Variants in TNNT3 observed in about 807,000 individuals in gnomAD.
TNNT3 encodes troponin T3, fast skeletal type.
TNNT3 carries 36 observed loss-of-function variants against 54.2 expected under a neutral mutation model. The ratio of observed to expected loss-of-function variants is 0.66; its 90% CI spans 0.51 to 0.88. The LOEUF (loss-of-function observed/expected upper bound fraction) is 0.88, where lower values mean the gene tolerates loss of function less well. Among genes scored for constraint, TNNT3 ranks in the 40% least tolerant of loss-of-function variants. The pLI is 0.00. For synonymous variants in TNNT3, 120 were observed against 109.7 expected (o/e 1.09, Z -0.59); for missense variants, 291 against 331.6 (o/e 0.88, Z 0.95).
At chr11:1,929,730 C>A in intron 7 of TNNT3, 80 bp from the exon 8 acceptor site, 1 of 1,489,924 alleles carries the variant, frequency 6.7e-7, no homozygotes, top group Non-Finnish European at 9.2e-7. Flanking sequence ...GGCCGCAGGC[C>A]GCCCAGTCTC....
rs897113676 is a variant in TNNT3 at position 1,920,527 on chromosome 11, C to T, written c.-19+765C>T. Among the ~76,000 whole-genome samples the T allele has an allele frequency of 2.3e-5, 3 of 129,098 alleles. No homozygotes were observed. In the South Asian group the frequency reaches 7.9e-4, roughly 34 times the overall value. 84.7% of individuals were successfully genotyped at this position (129,098 alleles called of 152,430 possible). On this transcript the variant is annotated intron_variant, in intron 1 of 15. Coordinates refer to ENST00000278317, the MANE Select transcript of TNNT3 (RefSeq NM_006757.4). ...CCCTGACTTGTGCCGTCTGATCAGGCCTTGGCTGCCCCTCCTGAAGTCCAC... is the reference window on the plus strand; with the variant it reads ...CCCTGACTTGTGCCGTCTGATCAGGTCTTGGCTGCCCCTCCTGAAGTCCAC...
chr11:1,933,878 T>C (rs1248774122), intron 10 of TNNT3, 41 bp downstream of exon 10: 2 of 1,611,790 alleles, frequency 1.2e-6, no homozygotes, highest in Admixed American at 1.7e-5. Flanking sequence ...GCTGGTGGAC[T>C]CCCTCGGAGG....
At chr11:1,933,495 G>A (rs573906863) in intron 9 of TNNT3, among the ~76,000 whole-genome samples, 1 of 152,330 alleles carries the variant, frequency 6.6e-6, no homozygotes, top group African/African-American at 2.4e-5. Flanking sequence ...CACCATCCCT[G>A]CTGTGTGGCT....
intron 4 of TNNT3, 89 bp from the exon 5 acceptor site, chr11:1,925,010 T>C: frequency 6.6e-7 from 1 of 1,508,430 alleles, no homozygotes; most frequent in East Asian, 2.3e-5. Context: ...CCTCCTGTCC[T>C]TGCGGCCTGA....
At chr11:1,931,888 T>A (rs1183130509) in intron 8 of TNNT3, among the ~76,000 whole-genome samples, 2 of 152,016 alleles carry the variant, frequency 1.3e-5, no homozygotes, top group African/African-American at 2.4e-5. Context: ...TTGGAAAAAA[T>A]TGTTGTTGTT....
rs1208387518 is a variant in TNNT3 at position 1,933,941 on chromosome 11, G to A, written c.299G>A (p.Arg100His). 7 of 1,612,674 alleles carry A rather than the reference G, an allele frequency of 4.3e-6. No homozygotes were observed. The East Asian group carries it at 6.7e-5, about 15-fold the overall frequency. Residue 100 changes from arginine (R) to histidine (H), a missense_variant, in exon 11 of 16, where the codon CGT (arginine) becomes CAT (histidine). Arg to His is a conservative substitution (Grantham distance 29). Coordinates refer to ENST00000278317, the MANE Select transcript of TNNT3 (RefSeq NM_006757.4). ...VALKERIEKRRAERAEQQRIR... is the reference protein window; with the variant it reads ...VALKERIEKRHAERAEQQRIR... ...CTTCTCTGGCTGCAGGAGAAGCGCC[G>A]TGCAGAGAGAGCGGAGCAGCAGAGG...
In TNNT3 at chr11:1,934,007, C is replaced by A. The variant is rs774521719; in HGVS notation, c.365C>A (p.Ala122Glu). The change falls in exon 11 of 16, where the codon GCG becomes GAG. Residue 122 changes from alanine to glutamate, a missense_variant and splice_region_variant. Physicochemically the swap from Ala to Glu is moderately radical, Grantham distance 107. Transcript: ENST00000278317. ...EKERERQNRL[A>E]EEKARREEED... is the part of the protein sequence containing the mutation. ...GAGAGGGAGCGCCAGAACAGACTGG[C>A]GGTGAGGGCACCATCCGCACTGCTG... 5 of 1,611,592 alleles carry A rather than the reference C, an allele frequency of 3.1e-6. No individual in the cohort carries two copies. In the Admixed American group the frequency reaches 8.3e-5, roughly 27 times the overall value.
chr11:1,936,897 C>T, intron 14 of TNNT3, 66 bp from the exon 15 acceptor site: 2 of 1,520,370 alleles, frequency 1.3e-6, no homozygotes, highest in Non-Finnish European at 1.8e-6. Flanking sequence ...TGGAGACAGG[C>T]CTTCACCCAG....
rs777838985 is a variant in TNNT3 at position 1,932,561 on chromosome 11, C to T, written c.171+47C>T. On this transcript the variant is annotated intron_variant, in intron 9 of 15. Transcript: ENST00000278317. ...TAACATGTCCACGGTTTCCCCACAC[C>T]CCAGCTTTTGGGCTCTAGGCCTCAG... is the stretch of plus-strand genomic sequence containing the variant. 8.1e-6 allele frequency: 13 copies of T among 1,601,690 alleles called. No homozygotes were observed. In the Admixed American group the frequency reaches 1.7e-4, roughly 21 times the overall value.
chr11:1,927,871 C>T (rs557320953), intron 6 of TNNT3: 174 of 152,522 alleles, frequency 1.1e-3, no homozygotes, highest in Non-Finnish European at 2.1e-3. Context: ...GTCCTCACCG[C>T]GCTGTTCCTT....
intron 15 of TNNT3, 99 bp downstream of exon 15, chr11:1,937,102 C>G (rs775756639): frequency 1.3e-5 from 17 of 1,329,804 alleles, no homozygotes; most frequent in Non-Finnish European, 1.8e-5. Context: ...TGGCTGGCCT[C>G]GGCAGGGCAG....
chr11:1,928,772 GT>G (rs1469074383), intron 6 of TNNT3, among the ~76,000 whole-genome samples: 1 of 152,174 alleles, frequency 6.6e-6, no homozygotes, highest in Non-Finnish European at 1.5e-5. Flanking sequence ...AGATGCCAAG[GT>G]TGGCCCTGCC....
chr11:1,935,271 T>C (rs1854643884), intron 14 of TNNT3: 1 of 374,022 alleles, frequency 2.7e-6, no homozygotes, highest in Non-Finnish European at 5.2e-6. Context: ...AAAGTCCCCA[T>C]CATCACCCAG....
At chr11:1,923,159 C>A in intron 3 of TNNT3, 98 bp downstream of exon 3, 1 of 1,523,060 alleles carries the variant, frequency 6.6e-7, no homozygotes, top group Non-Finnish European at 9.1e-7. Context: ...GTCCCCTTGA[C>A]AGCCCTACAT....
rs1347042944 is a variant in TNNT3 at position 1,929,121 on chromosome 11, C to T, written c.84C>T (p.Asp28=). The change falls in exon 7 of 16, where the codon GAC becomes GAT. Residue 28 remains aspartate, a splice_region_variant and synonymous_variant. Transcript: ENST00000278317. ...CTTGTGCCTTTTGCCACCTGGAAGA[C>T]ACCGCAGAGGAGGACGCGGAAGGTA... ...EAQEEEEVQE[D]TAEEDAEEEK... The T allele has an allele frequency of 1.2e-6, 2 of 1,613,300 alleles. No homozygotes were observed. The highest frequency in any genetic ancestry group is 2.2e-5 in the South Asian group (2 of 91,088).
In TNNT3 at chr11:1,938,448, G is replaced by A. The variant is rs749764688; in HGVS notation, c.733G>A (p.Ala245Thr). 8 of 1,613,190 alleles carry A rather than the reference G, an allele frequency of 5.0e-6. No homozygotes were observed. Among genetic ancestry groups the A allele is most frequent in the Admixed American group, 1.7e-5 (1 of 60,006 alleles). ...IDQAQKHSKK[A>T]GTPAKGKVGG... ...GCTTCCCATTTGCAGCAGCAAGAAGGCTGGGACCCCAGCCAAGGGCAAAGT... is the reference window on the plus strand; with the variant it reads ...GCTTCCCATTTGCAGCAGCAAGAAGACTGGGACCCCAGCCAAGGGCAAAGT... Residue 245 changes from alanine to threonine, a missense_variant, in exon 16 of 16, where the codon GCT becomes ACT. Ala to Thr is a moderately conservative substitution (Grantham distance 58). Coordinates refer to ENST00000278317, the MANE Select transcript of TNNT3 (RefSeq NM_006757.4).
chr11:1,920,716 T>C (rs909116), intron 1 of TNNT3, among the ~76,000 whole-genome samples: 67,045 of 151,904 alleles, frequency 0.44, 15,567 homozygotes, highest in East Asian at 0.64. Flanking sequence ...CCGAAGAAAC[T>C]GACCGCATAG....
Position 1,934,441 on chromosome 11 carries a change from C to G in TNNT3, c.476C>G (p.Ala159Gly). Residue 159 changes from alanine to glycine, a missense_variant, in exon 12 of 16, where the codon GCC (alanine) becomes GGC (glycine). By Grantham distance (60) the Ala-to-Gly change is moderately conservative (BLOSUM62 0). Coordinates refer to ENST00000278317, the MANE Select transcript of TNNT3 (RefSeq NM_006757.4). ...GGAGCCAACTACAGCAGCTACCTGGCCAAGGTGTGTGCCGCTGCTGGGAGC... is the reference window on the plus strand; with the variant it reads ...GGAGCCAACTACAGCAGCTACCTGGGCAAGGTGTGTGCCGCTGCTGGGAGC... ...SMGANYSSYL[A>G]KADQKRGKKQ... The G allele has an allele frequency of 1.2e-6, 2 of 1,613,438 alleles. No homozygotes were observed. Among genetic ancestry groups the G allele is most frequent in the Non-Finnish European group, 1.7e-6 (2 of 1,179,916 alleles).
At chr11:1,922,792 C>T in intron 1 of TNNT3, 65 bp from the exon 2 acceptor site, 1 of 1,537,802 alleles carries the variant, frequency 6.5e-7, no homozygotes, top group Admixed American at 1.7e-5. Context: ...CCATCCTACA[C>T]CCAGGCAGCT....
Sources: gnomAD v4.1 joint callset for allele counts (sites outside exome capture counted in the v4.1 genomes callset) on GRCh38, gnomAD v4.1.1 for gene constraint, MANE v1.5 for transcripts, NCBI Gene and HGNC (gene_info 2026-07-23, HGNC 2026-07-21) for gene names.